The following GSDMC variants were observed in gnomAD, a reference collection of about 807,000 sequenced individuals.
GSDMC encodes gasdermin-C.
GSDMC carries 59 observed loss-of-function variants against 58.0 expected under a neutral mutation model. The ratio of observed to expected loss-of-function variants is 1.02; its 90% CI spans 0.82 to 1.26. The LOEUF (loss-of-function observed/expected upper bound fraction) is 1.26. GSDMC is among the 50% of genes most tolerant of loss of function. GSDMC has a pLI of 0.00. For synonymous variants in GSDMC, 241 were observed against 220.2 expected (o/e 1.09, Z -0.83); for missense variants, 659 against 598.5 (o/e 1.10, Z -1.06).
downstream of GSDMC, among the ~76,000 whole-genome samples, chr8:129,746,912 G>A (rs553606188): frequency 6.6e-6 from 1 of 152,220 alleles, no homozygotes; most frequent in South Asian, 2.1e-4. Flanking sequence ...TTTGATCACA[G>A]CCATTCAAGG....
At position 129,781,876 on chromosome 8, in the gene GSDMC, G is replaced by T. The variant is rs185015402; in HGVS notation, c.-5+4135C>A. Among the ~76,000 whole-genome samples the T allele has an allele frequency of 3.3e-5, 5 of 152,178 alleles. No individual in the cohort carries two copies. In the East Asian group the frequency reaches 7.7e-4, roughly 23 times the overall value. On this transcript the variant is annotated intron_variant, in intron 1 of 13. Coordinates refer to ENST00000276708, the MANE Select transcript of GSDMC (RefSeq NM_031415.3). ...TACTATAGAACAAATGAACCTAATA[G>T]GTATTTACAGAACATTTTATCCAAT...
intron 9 of GSDMC, 39 bp from the exon 10 acceptor site, chr8:129,751,607 C>A: frequency 6.2e-7 from 1 of 1,601,314 alleles, no homozygotes; most frequent in Admixed American, 1.7e-5. Flanking sequence ...CTTCCTCATC[C>A]CCCCAAATTT....
At chr8:129,743,059 G>A in the GSDMC span, among the ~76,000 whole-genome samples, 1 of 152,132 alleles carries the variant, frequency 6.6e-6, no homozygotes, top group Non-Finnish European at 1.5e-5. Flanking sequence ...TTGGTTTTCA[G>A]GAATGTGATT....
chr8:129,754,882 G>T (rs1265884417), intron 6 of GSDMC, among the ~76,000 whole-genome samples: 1 of 152,142 alleles, frequency 6.6e-6, no homozygotes, highest in Admixed American at 6.5e-5. Context: ...GTATTAGTGA[G>T]CTTGAAGACA....
chr8:129,757,594 C>CAA (rs141888209), intron 6 of GSDMC, among the ~76,000 whole-genome samples: 1 of 148,806 alleles, frequency 6.7e-6, no homozygotes, highest in African/African-American at 2.5e-5. Context: ...TAAGATACAT[C>CAA]AAAAAAAAAG....
intron 5 of GSDMC, among the ~76,000 whole-genome samples, chr8:129,762,075 T>C (rs2033682887): frequency 1.3e-5 from 2 of 152,216 alleles, no homozygotes; most frequent in African/African-American, 4.8e-5. Context: ...CTGACACAGA[T>C]GCTTCTGCCC....
intron 6 of GSDMC, among the ~76,000 whole-genome samples, chr8:129,756,899 G>T (rs189925522): frequency 2.6e-5 from 4 of 151,964 alleles, no homozygotes; most frequent in Admixed American, 2.6e-4. Context: ...GTGGGACAAA[G>T]CAAAGCAGTA....
At chr8:129,722,465 T>C in the GSDMC span, among the ~76,000 whole-genome samples, 1 of 152,312 alleles carries the variant, frequency 6.6e-6, no homozygotes, top group East Asian at 1.9e-4. Context: ...AAGGCAGAAT[T>C]TGGCAGCTCT....
chr8:129,776,091 C>T lies in GSDMC; in HGVS notation c.404+11G>A, dbSNP rs777862997. 6.2e-7 allele frequency: 1 copy of T among 1,607,592 alleles called. No individual in the cohort carries two copies. The highest frequency in any genetic ancestry group is 1.1e-5 in the South Asian group (1 of 90,478). On this transcript the variant is annotated intron_variant, in intron 3 of 13. Transcript: ENST00000276708. ...CTGATGATCCATCCCCTTCCTCTCC[C>T]ATGGCCTCACCTTTTTTGAAAGTCT...
the GSDMC span, among the ~76,000 whole-genome samples, chr8:129,727,877 C>T: frequency 6.6e-6 from 1 of 152,162 alleles, no homozygotes; most frequent in African/African-American, 2.4e-5. Flanking sequence ...GCTGCTACAG[C>T]TGCAGTTTTA....
rs142830609 is a variant in GSDMC at position 129,756,701 on chromosome 8, G to T, written c.721+3844C>A. 2.0e-5 allele frequency among the ~76,000 whole-genome samples: 3 copies of T among 152,054 alleles called. No homozygotes were observed. The East Asian group carries it at 5.8e-4, about 29-fold the overall frequency. The stretch of plus-strand genomic sequence containing the variant: ...ATTCCAAAATATTGAAATAATATCA[G>T]CCATCTTCTCTGACCACAATGGAAT... On this transcript the variant is annotated intron_variant, in intron 6 of 13. Coordinates refer to ENST00000276708, the MANE Select transcript of GSDMC (RefSeq NM_031415.3).
the GSDMC span, among the ~76,000 whole-genome samples, chr8:129,705,919 T>G: frequency 2.0e-5 from 3 of 152,176 alleles, no homozygotes; most frequent in African/African-American, 7.2e-5. Context: ...TTAATAAATT[T>G]TATTGGTTCT....
intron 4 of GSDMC, among the ~76,000 whole-genome samples, chr8:129,763,160 C>G (rs1425975354): frequency 2.6e-5 from 4 of 152,206 alleles, no homozygotes; most frequent in African/African-American, 7.2e-5. Context: ...TTTGCCTTGT[C>G]TGTCTCTTTA....
chr8:129,715,140 G>T, the GSDMC span, among the ~76,000 whole-genome samples: 5 of 152,134 alleles, frequency 3.3e-5, no homozygotes, highest in East Asian at 7.7e-4. Context: ...TAAGACACAG[G>T]GTCATAAACA....
chr8:129,749,811 T>G lies in GSDMC; in HGVS notation c.1213+179A>C, dbSNP rs556650039. Among the ~76,000 whole-genome samples the G allele has an allele frequency of 1.5e-4, 23 of 152,272 alleles. No homozygotes were observed. In the South Asian group the frequency reaches 4.8e-3, roughly 32 times the overall value. On this transcript the variant is annotated intron_variant, in intron 12 of 13. Transcript: ENST00000276708. ...GTAACTCCCTAGGCCTTAAACTCAATTCTGTGTCATACGGCAAGTTATCAC... is the reference window on the plus strand; with the variant it reads ...GTAACTCCCTAGGCCTTAAACTCAAGTCTGTGTCATACGGCAAGTTATCAC...
At chr8:129,713,599 C>G in the GSDMC span, among the ~76,000 whole-genome samples, 1 of 152,172 alleles carries the variant, frequency 6.6e-6, no homozygotes, top group Admixed American at 6.5e-5. Context: ...CAGCTCCGGA[C>G]AGAGACAAGA....
the GSDMC span, among the ~76,000 whole-genome samples, chr8:129,709,101 C>T: frequency 6.6e-6 from 1 of 152,072 alleles, no homozygotes; most frequent in Non-Finnish European, 1.5e-5. Context: ...CTGTCTGTGT[C>T]CAAGAAAGTC....
chr8:129,713,357 G>T, the GSDMC span, among the ~76,000 whole-genome samples: 3 of 152,010 alleles, frequency 2.0e-5, no homozygotes, highest in Non-Finnish European at 4.4e-5. Context: ...GGCTCTCAAG[G>T]AGCAAGGAAG....
chr8:129,717,444 T>C, the GSDMC span, among the ~76,000 whole-genome samples: 1 of 151,854 alleles, frequency 6.6e-6, no homozygotes, highest in South Asian at 2.1e-4. Context: ...GTGGGATCAG[T>C]GGTAATACCA....
Sources: gnomAD v4.1 joint callset for allele counts (sites outside exome capture counted in the v4.1 genomes callset) on GRCh38, gnomAD v4.1.1 for gene constraint, MANE v1.5 for transcripts, NCBI Gene and HGNC (gene_info 2026-07-23, HGNC 2026-07-21) for gene names.